Variants in AFF3 observed in about 807,000 individuals in gnomAD.
AFF3 encodes ALF transcription elongation factor 3, also known as AF4/FMR2 family member 3.
In AFF3, 32 loss-of-function variants were observed where a neutral mutation model predicts 129.7. The ratio of observed to expected loss-of-function variants is 0.25; its 90% CI spans 0.19 to 0.33. The LOEUF (loss-of-function observed/expected upper bound fraction) is 0.33, where lower values mean the gene tolerates loss of function less well. Ranked by LOEUF, AFF3 falls within the 10% of genes least tolerant of loss-of-function variation. AFF3 has a pLI of 1.00. For synonymous variants in AFF3, 644 were observed against 635.4 expected (o/e 1.01, Z -0.20); for missense variants, 1,373 against 1,592.0 (o/e 0.86, Z 2.34).
At chr2:99,902,974 A>G (rs78807685) in intron 7 of AFF3, among the ~76,000 whole-genome samples, 2,312 of 152,292 alleles carry the variant, frequency 0.015, 56 homozygotes, top group African/African-American at 0.053. Context: ...AAGGACACAA[A>G]GAGCATTCTA....
chr2:99,760,920 G>A (rs1242437889), intron 8 of AFF3, among the ~76,000 whole-genome samples: 1 of 151,390 alleles, frequency 6.6e-6, no homozygotes, highest in Non-Finnish European at 1.5e-5. Flanking sequence ...TTAGTCACCT[G>A]CCCTTTTTTT....
chr2:100,016,921 T>C (rs1376898898), intron 4 of AFF3, among the ~76,000 whole-genome samples: 1 of 150,200 alleles, frequency 6.7e-6, no homozygotes, highest in Non-Finnish European at 1.5e-5. Flanking sequence ...TGGTGATTGT[T>C]ATGATAATGG....
At chr2:99,800,836 T>C (rs980143785) in intron 8 of AFF3, among the ~76,000 whole-genome samples, 5 of 152,192 alleles carry the variant, frequency 3.3e-5, no homozygotes, top group African/African-American at 1.2e-4. Context: ...AAGTACATGC[T>C]ATATGATTCT....
intron 7 of AFF3, among the ~76,000 whole-genome samples, chr2:99,907,555 T>TC (rs1345341724): frequency 6.6e-6 from 1 of 151,996 alleles, no homozygotes; most frequent in African/African-American, 2.4e-5. Context: ...TTTTTTTTTT[T>TC]CTCATTCAAA....
chr2:99,921,385 T>C (rs1319614169), intron 7 of AFF3, among the ~76,000 whole-genome samples: 4 of 152,100 alleles, frequency 2.6e-5, no homozygotes, highest in African/African-American at 4.8e-5. Flanking sequence ...TGAGGAGTTA[T>C]CACAACCAAA....
At chr2:99,637,723 G>T (rs1683798682) in intron 13 of AFF3, among the ~76,000 whole-genome samples, 1 of 152,084 alleles carries the variant, frequency 6.6e-6, no homozygotes, top group African/African-American at 2.4e-5. Flanking sequence ...AAAGAAGTAG[G>T]GTAGACAGCA....
intron 11 of AFF3, among the ~76,000 whole-genome samples, chr2:99,687,933 C>G (rs1188786922): frequency 6.6e-6 from 1 of 152,160 alleles, no homozygotes; most frequent in Non-Finnish European, 1.5e-5. Context: ...ACCTCCGCCT[C>G]CCAGGTTCAA....
intron 10 of AFF3, among the ~76,000 whole-genome samples, chr2:99,740,653 T>C (rs1278424533): frequency 6.6e-6 from 1 of 151,980 alleles, no homozygotes; most frequent in African/African-American, 2.4e-5. Flanking sequence ...CACTTTTTGA[T>C]GGGGTTGTTT....
intron 7 of AFF3, among the ~76,000 whole-genome samples, chr2:99,961,542 T>C (rs975885723): frequency 6.6e-5 from 10 of 152,178 alleles, no homozygotes; most frequent in Non-Finnish European, 2.9e-5. Flanking sequence ...AGATTATCTG[T>C]CTCTGAGTTT....
At chr2:99,906,392 A>G (rs1168862255) in intron 7 of AFF3, among the ~76,000 whole-genome samples, 1 of 152,146 alleles carries the variant, frequency 6.6e-6, no homozygotes, top group Non-Finnish European at 1.5e-5. Context: ...TTTCGGACCT[A>G]TGTGTCAGCC....
intron 2 of AFF3, among the ~76,000 whole-genome samples, chr2:100,113,687 TAA>T (rs1355513789): frequency 2.6e-5 from 4 of 152,172 alleles, no homozygotes; most frequent in South Asian, 2.1e-4. Flanking sequence ...AAGGCACTCC[TAA>T]AGGGCTTAAT....
chr2:100,104,798 A>AGCCGCTGCC, intron 3 of AFF3: 1 of 615,632 alleles, frequency 1.6e-6, no homozygotes, highest in Non-Finnish European at 1.9e-6. Context: ...CCGCTGCTGC[A>AGCCGCTGCC]GCCGCCGCCG....
intron 7 of AFF3, among the ~76,000 whole-genome samples, chr2:100,000,402 C>A (rs1386010192): frequency 6.6e-6 from 1 of 152,074 alleles, no homozygotes; most frequent in Non-Finnish European, 1.5e-5. Context: ...AAGAATTACG[C>A]TCACTACTCA....
At chr2:99,787,386 G>T (rs1684879471) in intron 8 of AFF3, among the ~76,000 whole-genome samples, 1 of 152,272 alleles carries the variant, frequency 6.6e-6, no homozygotes, top group Non-Finnish European at 1.5e-5. Context: ...TAGGCATCAA[G>T]ACAGGGTTCC....
chr2:99,964,062 T>C (rs1162596593), intron 7 of AFF3, among the ~76,000 whole-genome samples: 1 of 152,042 alleles, frequency 6.6e-6, no homozygotes, highest in East Asian at 1.9e-4. Flanking sequence ...ATCAATTGAC[T>C]AGGAAGGTGT....
chr2:99,546,663 G>T lies in AFF3; in HGVS notation c.*4811C>A, dbSNP rs1363381764. ...AACAAACTTACCCTCCCACATAGGG[G>T]ATGCTTCATGTCAAGCCACTGGTCT... On this transcript the variant is annotated 3_prime_UTR_variant, in exon 25 of 25. Transcript: ENST00000672756. 8.7e-6 allele frequency: 2 copies of T among 230,752 alleles called. No individual in the cohort carries two copies. 14.3% of individuals were successfully genotyped at this position (230,752 alleles called of 1,614,324 possible). A position where few individuals can be genotyped will look rare whatever the true frequency, so the allele number is the denominator to read the frequency against.
chr2:99,757,520 G>C (rs1575886631), intron 8 of AFF3, among the ~76,000 whole-genome samples: 1 of 152,122 alleles, frequency 6.6e-6, no homozygotes, highest in East Asian at 1.9e-4. Context: ...TATGTGATTT[G>C]CTTAATTCTC....
intron 7 of AFF3, among the ~76,000 whole-genome samples, chr2:99,953,564 C>G (rs554023309): frequency 6.6e-6 from 1 of 152,264 alleles, no homozygotes; most frequent in African/African-American, 2.4e-5. Context: ...GATTGTGGAT[C>G]GGTAATAGCT....
At position 99,554,851 on chromosome 2, in the gene AFF3, C is replaced by G. The variant is rs1236199471; in HGVS notation, c.3286-119G>C. ...AAAGGCAGACACTGCAGGAAAAAGGCACCTTCAGAGAAACTGGACCTGGGA... is the reference window on the plus strand; with the variant it reads ...AAAGGCAGACACTGCAGGAAAAAGGGACCTTCAGAGAAACTGGACCTGGGA... On this transcript the variant is annotated intron_variant, in intron 22 of 24. Coordinates refer to ENST00000672756, the MANE Select transcript of AFF3 (RefSeq NM_001386135.1). 8.7e-6 allele frequency: 10 copies of G among 1,144,796 alleles called. 1 individual carries two copies. The highest frequency in any genetic ancestry group is 5.0e-5 in the East Asian group (2 of 39,850). The allele number at this position is 1,144,796 out of a possible 1,614,324, so 70.9% of individuals were successfully genotyped here.
Sources: gnomAD v4.1 joint callset for allele counts (sites outside exome capture counted in the v4.1 genomes callset) on GRCh38, gnomAD v4.1.1 for gene constraint, MANE v1.5 for transcripts, NCBI Gene and HGNC (gene_info 2026-07-23, HGNC 2026-07-21) for gene names.